Variants in BBS9 observed in about 807,000 individuals in gnomAD.
The protein encoded by BBS9 is Bardet-Biedl syndrome 9, also known as protein PTHB1.
BBS9 carries 89 observed loss-of-function variants against 117.7 expected under a neutral mutation model. The observed-to-expected ratio is 0.76, with a 90% CI of 0.64 to 0.90. BBS9 has a LOEUF of 0.90. Among genes scored for constraint, BBS9 ranks in the 40% least tolerant of loss-of-function variants. BBS9 has a pLI of 0.00. For missense variants in BBS9, 982 were observed against 1,042.2 expected, an observed-to-expected ratio of 0.94 and a Z score of 0.80; for synonymous variants, 379 against 370.9, an observed-to-expected ratio of 1.02 and a Z score of -0.25.
chr7:33,339,895 C>A (rs1233297587), intron 10 of BBS9, among the ~76,000 whole-genome samples: 1 of 151,624 alleles, frequency 6.6e-6, no homozygotes, highest in Non-Finnish European at 1.5e-5. Flanking sequence ...GTGAATAGCT[C>A]CACAAAATTA....
At chr7:33,188,627 G>A (rs938305838) in intron 5 of BBS9, among the ~76,000 whole-genome samples, 1 of 152,210 alleles carries the variant, frequency 6.6e-6, no homozygotes. Context: ...GGAGAGGGAA[G>A]GGAGAGATTC....
chr7:33,203,965 C>T (rs1786413669), intron 5 of BBS9, among the ~76,000 whole-genome samples: 3 of 150,780 alleles, frequency 2.0e-5, no homozygotes, highest in African/African-American at 4.9e-5. Context: ...TCAGGTAATC[C>T]GCCCGCCTCG....
At chr7:33,334,393 G>GC (rs755438153) in intron 9 of BBS9, among the ~76,000 whole-genome samples, 18 of 151,890 alleles carry the variant, frequency 1.2e-4, no homozygotes, top group South Asian at 6.2e-4. Flanking sequence ...TCTCTGAGAA[G>GC]CCCCCCCCAG....
intron 5 of BBS9, among the ~76,000 whole-genome samples, chr7:33,224,599 C>T (rs76891211): frequency 0.029 from 4,351 of 152,172 alleles, 158 homozygotes; most frequent in African/African-American, 0.079. Flanking sequence ...TCTGTCTTCT[C>T]CCTCACCTCC....
At chr7:33,539,890 C>T (rs925088751) in intron 21 of BBS9, among the ~76,000 whole-genome samples, 10 of 152,186 alleles carry the variant, frequency 6.6e-5, no homozygotes, top group African/African-American at 2.2e-4. Flanking sequence ...TAATTTCCTA[C>T]AGTCAGTGAG....
chr7:33,481,578 T>G (rs558128665), intron 19 of BBS9, among the ~76,000 whole-genome samples: 1 of 152,328 alleles, frequency 6.6e-6, no homozygotes, highest in South Asian at 2.1e-4. Flanking sequence ...AAATACAATG[T>G]AAATTTGTAT....
At chr7:33,333,286 T>G (rs1401207099) in intron 9 of BBS9, among the ~76,000 whole-genome samples, 1 of 152,212 alleles carries the variant, frequency 6.6e-6, no homozygotes, top group Non-Finnish European at 1.5e-5. Flanking sequence ...AGCTTAGCTC[T>G]CACTTATAAG....
intron 5 of BBS9, among the ~76,000 whole-genome samples, chr7:33,193,509 C>T (rs778290146): frequency 2.6e-5 from 4 of 151,348 alleles, no homozygotes; most frequent in Non-Finnish European, 5.9e-5. Context: ...TTAGCTTGGC[C>T]CACTCTGTTT....
At chr7:33,617,057 T>C (rs1418586000) in intron 21 of BBS9, among the ~76,000 whole-genome samples, 1 of 152,010 alleles carries the variant, frequency 6.6e-6, no homozygotes, top group African/African-American at 2.4e-5. Context: ...TTTTTTTAAA[T>C]AAACGGGTAG....
At chr7:33,284,533 A>T (rs1802518087) in intron 9 of BBS9, among the ~76,000 whole-genome samples, 1 of 152,164 alleles carries the variant, frequency 6.6e-6, no homozygotes, top group East Asian at 1.9e-4. Flanking sequence ...CCTTGATATT[A>T]TTGGGAATGT....
chr7:33,408,918 G>C (rs1306440409), intron 19 of BBS9, among the ~76,000 whole-genome samples: 5 of 152,146 alleles, frequency 3.3e-5, no homozygotes, highest in Non-Finnish European at 7.4e-5. Context: ...GTGTGAGATG[G>C]TATCTCATTG....
Position 33,542,743 on chromosome 7 carries a change from G to GTA in BBS9, c.2521+8578_2521+8579dup, listed in dbSNP as rs139790667. Among the ~76,000 whole-genome samples, 1,195 of 145,336 alleles carry GTA rather than the reference G, an allele frequency of 8.2e-3. 31 individuals are homozygous for GTA. Among genetic ancestry groups the GTA allele is most frequent in the African/African-American group, 0.029 (1,110 of 38,910 alleles). ...TGTGTGTGTGTGTGTATATGTGTGT[G>GTA]TATATATATATACACGTATGTATAT... On this transcript the variant is annotated intron_variant, in intron 21 of 22. Transcript: ENST00000242067.
intron 19 of BBS9, among the ~76,000 whole-genome samples, chr7:33,475,520 T>C (rs937603406): frequency 2.6e-5 from 4 of 152,164 alleles, no homozygotes; most frequent in African/African-American, 9.7e-5. Flanking sequence ...GGGGCTATCC[T>C]GTGCATTGTA....
intron 19 of BBS9, among the ~76,000 whole-genome samples, chr7:33,468,749 G>C (rs1244856718): frequency 1.3e-5 from 2 of 152,044 alleles, no homozygotes; most frequent in Non-Finnish European, 2.9e-5. Context: ...ATATGAATGA[G>C]AACATGCAAT....
rs1969575 is a variant in BBS9, at chr7:33,146,470, C to G, written c.112+106C>G. 0.84 allele frequency: 732,324 copies of G among 875,680 alleles called. 306,772 individuals carry two copies. Among genetic ancestry groups the G allele is most frequent in the Admixed American group, 0.89 (49,286 of 55,496 alleles). The allele number at this position is 875,680 out of a possible 1,614,324, so 54.2% of individuals were successfully genotyped here. A position where few individuals can be genotyped will look rare whatever the true frequency, so the allele number is the denominator to read the frequency against. On this transcript the variant is annotated intron_variant, in intron 2 of 22. Coordinates refer to ENST00000242067, the MANE Select transcript of BBS9 (RefSeq NM_198428.3). ...AATCTCAGTTCTTTTGGGAGGCCGACGTGGGCAGATCACGAGGTCAGGAGT... is the reference window on the plus strand; with the variant it reads ...AATCTCAGTTCTTTTGGGAGGCCGAGGTGGGCAGATCACGAGGTCAGGAGT...
chr7:33,588,655 G>C (rs779981790), intron 21 of BBS9, among the ~76,000 whole-genome samples: 1 of 152,148 alleles, frequency 6.6e-6, no homozygotes, highest in Non-Finnish European at 1.5e-5. Flanking sequence ...TACAGAAAAA[G>C]AAAATGTGTG....
At chr7:33,633,024 A>G (rs990177396) in intron 21 of BBS9, among the ~76,000 whole-genome samples, 2 of 152,124 alleles carry the variant, frequency 1.3e-5, no homozygotes, top group Non-Finnish European at 2.9e-5. Context: ...GGTGTGACCC[A>G]ATCAGGCGGC....
At chr7:33,351,590 G>A in intron 14 of BBS9, 1 of 452,552 alleles carries the variant, frequency 2.2e-6, no homozygotes, top group Non-Finnish European at 4.1e-6. Flanking sequence ...ATAGAAGAAT[G>A]TTATCTAGTC....
intron 5 of BBS9, among the ~76,000 whole-genome samples, chr7:33,249,744 A>G (rs1487969474): frequency 6.6e-6 from 1 of 152,060 alleles, no homozygotes; most frequent in African/African-American, 2.4e-5. Flanking sequence ...TTTAAGCATA[A>G]TTTTTGAGGA....
Sources: gnomAD v4.1 joint callset for allele counts (sites outside exome capture counted in the v4.1 genomes callset) on GRCh38, gnomAD v4.1.1 for gene constraint, MANE v1.5 for transcripts, NCBI Gene and HGNC (gene_info 2026-07-23, HGNC 2026-07-21) for gene names.